The following BICC1 variants were observed in gnomAD, a reference collection of about 807,000 sequenced individuals.
BICC1 encodes protein bicaudal C homolog 1.
In BICC1, 43 loss-of-function variants were observed where a neutral mutation model predicts 111.0. The ratio of observed to expected loss-of-function variants is 0.39; its 90% confidence interval spans 0.30 to 0.50. The LOEUF (loss-of-function observed/expected upper bound fraction) is 0.50, where lower values mean the gene tolerates loss of function less well. Ranked by LOEUF, BICC1 falls within the 20% of genes least tolerant of loss-of-function variation. The pLI, the probability that BICC1 is intolerant of heterozygous loss-of-function variation, is 0.88. For missense variants in BICC1, 1,091 were observed against 1,203.2 expected (o/e 0.91, Z 1.38); for synonymous variants, 467 against 434.4 (o/e 1.07, Z -0.93).
intron 3 of BICC1, among the ~76,000 whole-genome samples, chr10:58,780,567 T>A (rs948784782): frequency 1.3e-5 from 2 of 152,108 alleles, no homozygotes; most frequent in African/African-American, 4.8e-5. Flanking sequence ...TAAATGCAAA[T>A]GGCTGACATG....
chr10:58,576,506 G>C (rs1271373325), intron 1 of BICC1, among the ~76,000 whole-genome samples: 3 of 152,152 alleles, frequency 2.0e-5, no homozygotes, highest in African/African-American at 7.2e-5. Flanking sequence ...GAATAGCACT[G>C]ATGCCCATTA....
intron 2 of BICC1, among the ~76,000 whole-genome samples, chr10:58,642,506 G>A (rs1838153221): frequency 6.6e-6 from 1 of 152,084 alleles, no homozygotes; most frequent in African/African-American, 2.4e-5. Context: ...CTGGTGACTT[G>A]AGAACATTTG....
chr10:58,542,186 A>G (rs1170360029), intron 1 of BICC1, among the ~76,000 whole-genome samples: 1 of 151,000 alleles, frequency 6.6e-6, no homozygotes, highest in Admixed American at 6.6e-5. Context: ...AAACCCAGAC[A>G]TACAGACTAG....
intron 1 of BICC1, among the ~76,000 whole-genome samples, chr10:58,559,397 GCT>G (rs1392371380): frequency 6.6e-6 from 1 of 151,582 alleles, no homozygotes; most frequent in Non-Finnish European, 1.5e-5. Context: ...TTGTTTTTCA[GCT>G]CTTTCATTAT....
intron 3 of BICC1, among the ~76,000 whole-genome samples, chr10:58,753,205 C>T (rs1842040306): frequency 6.6e-6 from 1 of 152,108 alleles, no homozygotes; most frequent in South Asian, 2.1e-4. Context: ...CTTTGTCACC[C>T]AGGCTGGAGT....
intron 2 of BICC1, among the ~76,000 whole-genome samples, chr10:58,679,769 T>A (rs1308543837): frequency 6.6e-6 from 1 of 152,116 alleles, no homozygotes; most frequent in Non-Finnish European, 1.5e-5. Context: ...CTGATGAACA[T>A]CAATGCAAAA....
At chr10:58,773,294 C>T (rs769685633) in intron 3 of BICC1, among the ~76,000 whole-genome samples, 6 of 152,180 alleles carry the variant, frequency 3.9e-5, no homozygotes, top group African/African-American at 9.7e-5. Flanking sequence ...ATCTTCACCA[C>T]CCCAACCCCT....
chr10:58,671,043 C>A (rs985070700), intron 2 of BICC1, among the ~76,000 whole-genome samples: 2 of 152,116 alleles, frequency 1.3e-5, no homozygotes, highest in Non-Finnish European at 2.9e-5. Context: ...TTTTTCTTGT[C>A]TTTCTAACCA....
chr10:58,599,208 T>G (rs1038857373), intron 1 of BICC1, among the ~76,000 whole-genome samples: 4 of 152,178 alleles, frequency 2.6e-5, no homozygotes, highest in African/African-American at 9.7e-5. Context: ...CACATATGTT[T>G]ATTGTGGCAC....
At chr10:58,728,880 A>G (rs1265338112) in intron 3 of BICC1, among the ~76,000 whole-genome samples, 1 of 152,140 alleles carries the variant, frequency 6.6e-6, no homozygotes, top group Non-Finnish European at 1.5e-5. Flanking sequence ...TTATTTTAAT[A>G]TTAAAAAAAG....
intron 5 of BICC1, 55 bp from the exon 6 acceptor site, chr10:58,788,315 A>G (rs1843070458): frequency 1.6e-5 from 21 of 1,312,760 alleles, no homozygotes; most frequent in Non-Finnish European, 2.2e-5. Context: ...GAACTGGAAA[A>G]GAGATGTGAG....
intron 2 of BICC1, among the ~76,000 whole-genome samples, chr10:58,629,515 T>C: frequency 6.6e-6 from 1 of 152,220 alleles, no homozygotes; most frequent in Admixed American, 6.5e-5. Flanking sequence ...AGTAGGGCTC[T>C]GAATTAGGGT....
chr10:58,676,724 G>T (rs1839354183), intron 2 of BICC1, among the ~76,000 whole-genome samples: 1 of 152,186 alleles, frequency 6.6e-6, no homozygotes, highest in South Asian at 2.1e-4. Flanking sequence ...CCTCAAGTGG[G>T]TCTCTGACCC....
chr10:58,729,316 C>T (rs1841213084), intron 3 of BICC1, among the ~76,000 whole-genome samples: 1 of 152,184 alleles, frequency 6.6e-6, no homozygotes, highest in Non-Finnish European at 1.5e-5. Context: ...TGCTGCTTCA[C>T]CTTGCATTTT....
chr10:58,601,183 A>T (rs1845027395), intron 1 of BICC1, among the ~76,000 whole-genome samples: 1 of 73,032 alleles, frequency 1.4e-5, no homozygotes, highest in Non-Finnish European at 3.1e-5. Context: ...TCCCAATAAA[A>T]TTTGGAAAAT....
intron 2 of BICC1, among the ~76,000 whole-genome samples, chr10:58,695,045 A>C (rs1262657524): frequency 6.6e-6 from 1 of 152,206 alleles, no homozygotes; most frequent in East Asian, 1.9e-4. Flanking sequence ...ACAGCTATAC[A>C]GTAAGTTTAT....
At chr10:58,520,103 A>G (rs1244207713) in intron 1 of BICC1, among the ~76,000 whole-genome samples, 1 of 152,122 alleles carries the variant, frequency 6.6e-6, no homozygotes, top group East Asian at 1.9e-4. Context: ...TTATCATCCC[A>G]TGTTTTGTCG....
rs148120306 is a variant in BICC1, at chr10:58,554,081, A to G, written c.190+40748A>G. ...TTATTTTAAATGATATTGAAAATGA[A>G]TTACATTTTCTCAAGGTCATTTAAA... is the stretch of plus-strand genomic sequence containing the variant. On this transcript the variant is annotated intron_variant, in intron 1 of 20. Transcript: ENST00000373886. Among the ~76,000 whole-genome samples, 327 of 152,292 alleles carry G rather than the reference A, an allele frequency of 2.1e-3. 1 individual carries two copies. The highest frequency in any genetic ancestry group is 4.1e-3 in the Non-Finnish European group (277 of 68,012).
chr10:58,661,617 T>C (rs1304817988), intron 2 of BICC1, among the ~76,000 whole-genome samples: 4 of 152,158 alleles, frequency 2.6e-5, no homozygotes, highest in South Asian at 2.1e-4. Context: ...AGGTATAGAG[T>C]TACCTACATA....
Sources: allele counts gnomAD v4.1 joint callset (sites outside exome capture counted in the v4.1 genomes callset), GRCh38; gene constraint gnomAD v4.1.1; transcripts MANE v1.5; gene names NCBI Gene and HGNC (gene_info 2026-07-23, HGNC 2026-07-21).